The following ARID1B variants were observed in gnomAD, a reference collection of about 807,000 sequenced individuals.
ARID1B encodes the protein AT-rich interactive domain-containing protein 1B.
In ARID1B, 30 loss-of-function variants were observed where a neutral mutation model predicts 212.3. That is an observed-to-expected ratio of 0.14 (90% CI 0.11 to 0.19). The LOEUF is 0.19. ARID1B is among the 10% of genes least tolerant of loss of function. The pLI is 1.00. For synonymous variants in ARID1B, 1,402 were observed against 1,301.7 expected (o/e 1.08, Z -1.66); for missense variants, 2,891 against 3,204.0 (o/e 0.90, Z 2.36).
At chr6:157,058,816 C>T (rs1783140719) in intron 4 of ARID1B, among the ~76,000 whole-genome samples, 1 of 152,038 alleles carries the variant, frequency 6.6e-6, no homozygotes, top group African/African-American at 2.4e-5. Context: ...ACCTGACCAG[C>T]GATATGTGGT....
chr6:156,983,745 TG>T (rs984082623), intron 4 of ARID1B, among the ~76,000 whole-genome samples: 1 of 152,146 alleles, frequency 6.6e-6, no homozygotes, highest in African/African-American at 2.4e-5. Context: ...GTTTCTGGTT[TG>T]GTGTCTACAA....
chr6:157,022,792 A>C (rs1391350742), intron 4 of ARID1B: 4 of 152,230 alleles, frequency 2.6e-5, no homozygotes, highest in Non-Finnish European at 5.9e-5. Context: ...ACTCAAAGCA[A>C]CTTAATTTTG....
intron 4 of ARID1B, among the ~76,000 whole-genome samples, chr6:156,957,336 C>T (rs1385691283): frequency 6.6e-6 from 1 of 152,200 alleles, no homozygotes; most frequent in African/African-American, 2.4e-5. Flanking sequence ...TTGAAGATCT[C>T]TTGTGGACAT....
intron 4 of ARID1B, among the ~76,000 whole-genome samples, chr6:157,026,264 A>G (rs1053034800): frequency 3.3e-5 from 5 of 152,222 alleles, no homozygotes; most frequent in African/African-American, 1.2e-4. Flanking sequence ...TATCATGGAA[A>G]GAGACAAATC....
At chr6:157,191,129 A>C (rs1583482980) in intron 15 of ARID1B, among the ~76,000 whole-genome samples, 2 of 152,212 alleles carry the variant, frequency 1.3e-5, no homozygotes, top group East Asian at 3.9e-4. Context: ...TAAATAAATG[A>C]CTGGCCATCT....
At chr6:157,080,973 CAACTT>C (rs1385243626) in intron 4 of ARID1B, among the ~76,000 whole-genome samples, 1 of 152,100 alleles carries the variant, frequency 6.6e-6, no homozygotes, top group East Asian at 1.9e-4. Flanking sequence ...ACTGAAAACC[CAACTT>C]AATAGCAAGA....
intron 4 of ARID1B, among the ~76,000 whole-genome samples, chr6:156,997,647 G>T (rs1778669906): frequency 6.7e-6 from 1 of 148,728 alleles, no homozygotes; most frequent in South Asian, 2.1e-4. Context: ...TTAAACACTT[G>T]CATTTTAACT....
At chr6:157,035,419 G>C (rs1431719406) in intron 4 of ARID1B, among the ~76,000 whole-genome samples, 3 of 152,144 alleles carry the variant, frequency 2.0e-5, no homozygotes, top group Non-Finnish European at 4.4e-5. Flanking sequence ...GTTGATTAGA[G>C]GTTTTAATTT....
At chr6:157,016,612 G>A (rs1274277697) in intron 4 of ARID1B, among the ~76,000 whole-genome samples, 1 of 152,192 alleles carries the variant, frequency 6.6e-6, no homozygotes, top group Non-Finnish European at 1.5e-5. Context: ...ATGTCGGCAT[G>A]GTCTCATTGT....
chr6:156,886,512 C>T (rs998244519), intron 2 of ARID1B, among the ~76,000 whole-genome samples: 5 of 152,204 alleles, frequency 3.3e-5, no homozygotes, highest in African/African-American at 1.2e-4. Flanking sequence ...TGGGACACAG[C>T]ATGACCTCCA....
At chr6:156,894,421 A>G (rs917859172) in intron 2 of ARID1B, among the ~76,000 whole-genome samples, 114 of 152,256 alleles carry the variant, frequency 7.5e-4, no homozygotes, top group Middle Eastern at 3.4e-3. Context: ...AACAGTGTGA[A>G]TGTACTTATG....
intron 1 of ARID1B, among the ~76,000 whole-genome samples, chr6:156,799,367 C>T (rs998331485): frequency 3.3e-5 from 5 of 152,206 alleles, no homozygotes; most frequent in African/African-American, 1.2e-4. Context: ...TGCTGTATTG[C>T]CTCTCAGGAG....
At chr6:156,901,143 T>G (rs1021156008) in intron 2 of ARID1B, among the ~76,000 whole-genome samples, 2 of 152,202 alleles carry the variant, frequency 1.3e-5, no homozygotes, top group African/African-American at 4.8e-5. Context: ...CAATAGTTTC[T>G]ATCTGATAGA....
intron 16 of ARID1B, 32 bp from the exon 17 acceptor site, chr6:157,198,779 C>T (rs756063568): frequency 6.5e-7 from 1 of 1,549,154 alleles, no homozygotes; most frequent in Non-Finnish European, 8.8e-7. Context: ...AGCTTTTTCT[C>T]AGTTAAGTTT....
At chr6:157,051,817 ATAAT>A (rs955221764) in intron 4 of ARID1B, among the ~76,000 whole-genome samples, 6 of 152,208 alleles carry the variant, frequency 3.9e-5, no homozygotes, top group African/African-American at 1.4e-4. Context: ...TTATGCAAAA[ATAAT>A]TATGGAGAGT....
chr6:156,966,393 T>C (rs927468841), intron 4 of ARID1B, among the ~76,000 whole-genome samples: 10 of 135,320 alleles, frequency 7.4e-5, no homozygotes, highest in South Asian at 2.3e-4. Flanking sequence ...TTTCTTTTTT[T>C]TTTTTTTTTT....
chr6:157,076,332 G>A (rs1272134599), intron 4 of ARID1B, among the ~76,000 whole-genome samples: 2 of 150,800 alleles, frequency 1.3e-5, no homozygotes, highest in Non-Finnish European at 3.0e-5. Flanking sequence ...TTTTCCTCCA[G>A]GAGATGAGGT....
intron 3 of ARID1B, among the ~76,000 whole-genome samples, chr6:156,912,582 A>G (rs1789982747): frequency 6.6e-6 from 1 of 152,158 alleles, no homozygotes; most frequent in Non-Finnish European, 1.5e-5. Flanking sequence ...TCTGTCTTCA[A>G]ACCCAAAAGG....
intron 4 of ARID1B, among the ~76,000 whole-genome samples, chr6:157,031,787 CAA>C (rs1180751409): frequency 6.6e-6 from 1 of 151,838 alleles, no homozygotes; most frequent in Non-Finnish European, 1.5e-5. Context: ...TAAAAGAAAA[CAA>C]ATGAAATTTT....
Sources: allele counts gnomAD v4.1 joint callset (sites outside exome capture counted in the v4.1 genomes callset), GRCh38; gene constraint gnomAD v4.1.1; transcripts MANE v1.5; gene names NCBI Gene and HGNC (gene_info 2026-07-23, HGNC 2026-07-21).